The following PCDHGA1 variants were observed in gnomAD, a reference collection of about 807,000 sequenced individuals.
PCDHGA1 encodes the protein protocadherin gamma-A1.
Under a neutral mutation model 58.0 loss-of-function variants are expected in PCDHGA1, and 32 were observed. The ratio of observed to expected loss-of-function variants is 0.55; its 90% CI spans 0.42 to 0.74. The LOEUF is 0.74. Among genes scored for constraint, PCDHGA1 ranks in the 30% least tolerant of loss-of-function variants. The pLI is 0.00. For missense variants in PCDHGA1, 1,205 were observed against 1,182.3 expected (o/e 1.02, Z -0.28); for synonymous variants, 498 against 501.1 (o/e 0.99, Z 0.08).
In PCDHGA1 at chr5:141,477,428, T is replaced by C; in HGVS notation, c.2422-17379T>C. On this transcript the variant is annotated intron_variant, in intron 1 of 3. Transcript: ENST00000517417. The surrounding 1 kb of genome is among the most constrained non-coding windows in gnomAD (Gnocchi z 4.9). ...CCGAGACGCCGGAACCCCTTCCCTC[T>C]CAGCCCTTACAATAGTGCGTGTTCA... The C allele has an allele frequency of 6.2e-7, 1 of 1,614,142 alleles. No individual in the cohort carries two copies. Among genetic ancestry groups the C allele is most frequent in the Non-Finnish European group, 8.5e-7 (1 of 1,180,036 alleles).
rs1041367498 is a variant in PCDHGA1 at position 141,489,060 on chromosome 5, T to G, written c.2422-5747T>G. ...CAGCTCCACTCAAATTCAGCTCCCCTCCCCCCTGCCCACCCCCGCCACTCG... is the reference window on the plus strand; with the variant it reads ...CAGCTCCACTCAAATTCAGCTCCCCGCCCCCCTGCCCACCCCCGCCACTCG... On this transcript the variant is annotated intron_variant, in intron 1 of 3. Transcript: ENST00000517417. This position sits in a 1 kb window ranked among gnomAD's most constrained non-coding sequence, Gnocchi z 4.5. The G allele has an allele frequency of 1.7e-5, 5 of 300,224 alleles. No individual in the cohort carries two copies. The highest frequency in any genetic ancestry group is 2.4e-5 in the African/African-American group (1 of 42,484). The allele number at this position is 300,224 out of a possible 1,614,324, so 18.6% of individuals were successfully genotyped here.
In PCDHGA1 at chr5:141,332,422, C is replaced by T; in HGVS notation, c.1738C>T (p.Leu580Phe). 1 of 1,614,142 alleles carries T rather than the reference C, an allele frequency of 6.2e-7. No individual in the cohort carries two copies. The highest frequency in any genetic ancestry group is 8.5e-7 in the Non-Finnish European group (1 of 1,180,040). Residue 580 changes from leucine to phenylalanine, a missense_variant, in exon 1 of 4, where the codon CTC becomes TTC. Leu to Phe is a conservative substitution (Grantham distance 22, BLOSUM62 0). Coordinates refer to ENST00000517417, the MANE Select transcript of PCDHGA1 (RefSeq NM_018912.3). This position sits in a 1 kb window ranked among gnomAD's most constrained non-coding sequence, Gnocchi z 4.6. ...DGSTGVELAP[L>F]SAEPGYLVTK... ...TTCTACCGGCGTGGAGCTGGCGCCC[C>T]TCTCCGCAGAGCCCGGCTACCTGGT...
At chr5:141,371,216 T>C (rs375835701) in intron 1 of PCDHGA1, 5 of 1,614,056 alleles carry the variant, frequency 3.1e-6, no homozygotes, top group Middle Eastern at 1.6e-4. Flanking sequence ...AGGGCATCAA[T>C]GCCGAAATCA....
At chr5:141,492,705 C>T (rs2099743225) in intron 1 of PCDHGA1, among the ~76,000 whole-genome samples, 1 of 152,258 alleles carries the variant, frequency 6.6e-6, no homozygotes, top group South Asian at 2.1e-4. Flanking sequence ...ACCCAGAAGC[C>T]TCGAGCAGGC....
At chr5:141,422,926 GC>G in intron 1 of PCDHGA1, 1 of 1,614,230 alleles carries the variant, frequency 6.2e-7, no homozygotes, top group Non-Finnish European at 8.5e-7. Flanking sequence ...CCTGTACCCT[GC>G]CCTCCCCACA....
At chr5:141,444,473 G>C (rs943971075) in intron 1 of PCDHGA1, among the ~76,000 whole-genome samples, 6 of 151,972 alleles carry the variant, frequency 3.9e-5, no homozygotes, top group South Asian at 2.1e-4. Flanking sequence ...GCCCGGTCGC[G>C]TACTGGATTT....
At chr5:141,423,702 C>T in intron 1 of PCDHGA1, 4 of 1,340,970 alleles carry the variant, frequency 3.0e-6, no homozygotes, top group South Asian at 1.6e-5. Flanking sequence ...GGTGTCTTGG[C>T]ACAAGTCTTT....
intron 3 of PCDHGA1, among the ~76,000 whole-genome samples, chr5:141,507,617 C>T (rs1366723844): frequency 6.6e-6 from 1 of 152,278 alleles, no homozygotes; most frequent in African/African-American, 2.4e-5. Context: ...GTATATTTAG[C>T]TGTTGTGGCC....
At chr5:141,362,524 G>GGGGT in intron 1 of PCDHGA1, 1 of 1,613,964 alleles carries the variant, frequency 6.2e-7, no homozygotes, top group Non-Finnish European at 8.5e-7. Flanking sequence ...TGGAGCCGCT[G>GGGGT]GGGTCCCTTT....
rs192741775 is a variant in PCDHGA1, at chr5:141,428,173, C to A, written c.2422-66634C>A. The A allele has an allele frequency of 3.2e-4, 487 of 1,514,722 alleles. 1 individual carries two copies. In the Middle Eastern group the frequency reaches 7.1e-3, roughly 22 times the overall value. The allele number at this position is 1,514,722 out of a possible 1,614,324, so 93.8% of individuals were successfully genotyped here. On this transcript the variant is annotated intron_variant, in intron 1 of 3. Transcript: ENST00000517417. The stretch of plus-strand genomic sequence containing the variant: ...GGAACCTGCTGGTTGCTGTGCGTGA[C>A]GGAGGACAGCCGCCGCTCTCTGCGC...
At chr5:141,359,554 T>C (rs1206775223) in intron 1 of PCDHGA1, among the ~76,000 whole-genome samples, 1 of 151,518 alleles carries the variant, frequency 6.6e-6, no homozygotes, top group Non-Finnish European at 1.5e-5. Flanking sequence ...AGGAAAGCTC[T>C]CTATGTACTG....
chr5:141,490,796 A>G lies in PCDHGA1; in HGVS notation c.2422-4011A>G. ...CCAGAGGATGGACGGATCTTTGCCC[A>G]GCGTACCTTTGACTATGAATTGCTG... On this transcript the variant is annotated intron_variant, in intron 1 of 3. Coordinates refer to ENST00000517417, the MANE Select transcript of PCDHGA1 (RefSeq NM_018912.3). The surrounding 1 kb of genome is among the most constrained non-coding windows in gnomAD (Gnocchi z 5.4). The G allele has an allele frequency of 6.2e-7, 1 of 1,613,978 alleles. No individual in the cohort carries two copies. The highest frequency in any genetic ancestry group is 8.5e-7 in the Non-Finnish European group (1 of 1,179,904).
rs770264323 is a variant in PCDHGA1, at chr5:141,341,182, C to CCGGT, written c.2421+8077_2421+8078insCGGT. 3 of 1,612,760 alleles carry CCGGT rather than the reference C, an allele frequency of 1.9e-6. No homozygotes were observed. In the South Asian group the frequency reaches 3.3e-5, roughly 18 times the overall value. ...GAGGCAGCTTGACAGGCATGCAGAG[C>CCGGT]TCGCACTTTGTGGGCGTGGACGGGG... On this transcript the variant is annotated intron_variant, in intron 1 of 3. Transcript: ENST00000517417.
At chr5:141,415,366 G>T in intron 1 of PCDHGA1, 1 of 1,614,252 alleles carries the variant, frequency 6.2e-7, no homozygotes, top group South Asian at 1.1e-5. Flanking sequence ...CCTGCTGCAG[G>T]CTTCAGGAGG....
intron 1 of PCDHGA1, chr5:141,374,742 C>A (rs1382250910): frequency 1.2e-6 from 2 of 1,611,728 alleles, no homozygotes; most frequent in African/African-American, 1.3e-5. Flanking sequence ...GGCGGCGACC[C>A]TGTCCGCTCA....
At chr5:141,351,471 G>T (rs1758728622) in intron 1 of PCDHGA1, 1 of 1,613,760 alleles carries the variant, frequency 6.2e-7, no homozygotes. Context: ...GTGATTGCTG[G>T]AGCCCTAAAC....
intron 1 of PCDHGA1, among the ~76,000 whole-genome samples, chr5:141,347,500 T>G (rs1026754651): frequency 6.6e-6 from 1 of 151,896 alleles, no homozygotes; most frequent in African/African-American, 2.4e-5. Context: ...AGAACAAAAA[T>G]GTAGAGGCTG....
chr5:141,343,874 C>T (rs1047507236), intron 1 of PCDHGA1: 37 of 605,772 alleles, frequency 6.1e-5, no homozygotes, highest in Admixed American at 2.4e-4. Flanking sequence ...AAATCAGACT[C>T]AGAAGATCCG....
Position 141,366,231 on chromosome 5 carries a change from A to G in PCDHGA1, c.2421+33126A>G, listed in dbSNP as rs1288043202. 3 of 1,613,786 alleles carry G rather than the reference A, an allele frequency of 1.9e-6. No homozygotes were observed. Among genetic ancestry groups the G allele is most frequent in the Non-Finnish European group, 2.5e-6 (3 of 1,180,026 alleles). On this transcript the variant is annotated intron_variant, in intron 1 of 3. Transcript: ENST00000517417. ...GTGCGCACAGCGCGAGCCCTGCTGG[A>G]CAGAGACGCGCTCAAGCAGAGCCTC...
Sources: allele counts gnomAD v4.1 joint callset (sites outside exome capture counted in the v4.1 genomes callset), GRCh38; gene constraint gnomAD v4.1.1; non-coding constraint Gnocchi (gnomAD v3.1); transcripts MANE v1.5; gene names NCBI Gene and HGNC (gene_info 2026-07-23, HGNC 2026-07-21).